KIAA0753: variants seen among roughly 807,000 people sequenced by gnomAD.
KIAA0753 encodes the protein protein moonraker.
A neutral mutation model predicts 116.9 loss-of-function variants in KIAA0753; 114 were observed. That is an observed-to-expected ratio of 0.98 (90% confidence interval 0.84 to 1.14). The LOEUF is 1.14. Ranked by LOEUF, KIAA0753 falls within the 50% of genes most tolerant of loss-of-function variation. The pLI is 0.00. For synonymous variants in KIAA0753, 405 were observed against 413.1 expected (o/e 0.98, Z 0.24); for missense variants, 1,156 against 1,172.4 (o/e 0.99, Z 0.20).
chr17:6,583,282 G>A (rs1404981451), intron 18 of KIAA0753, among the ~76,000 whole-genome samples: 1 of 152,100 alleles, frequency 6.6e-6, no homozygotes, highest in African/African-American at 2.4e-5. Flanking sequence ...TCCTCCAGCC[G>A]ATTTTAAGAT....
At chr17:6,611,766 T>C (rs1256533094) in intron 8 of KIAA0753, among the ~76,000 whole-genome samples, 153 bp downstream of exon 8, 1 of 152,228 alleles carries the variant, frequency 6.6e-6, no homozygotes, top group African/African-American at 2.4e-5. Flanking sequence ...AATTGTTATT[T>C]TTTTGTTAAA....
At chr17:6,623,731 A>C in intron 4 of KIAA0753, 160 bp from the exon 5 acceptor site, 3 of 1,025,630 alleles carry the variant, frequency 2.9e-6, no homozygotes, top group Non-Finnish European at 4.0e-6. Flanking sequence ...CACCCAAAAA[A>C]CAGTTACTGG....
intron 8 of KIAA0753, 89 bp from the exon 9 acceptor site, chr17:6,610,249 C>CTAA: frequency 7.9e-7 from 1 of 1,265,106 alleles, no homozygotes. Flanking sequence ...CCAAGTTCTC[C>CTAA]ATGTTATTCA....
At chr17:6,601,600 A>T (rs1043668795) in intron 12 of KIAA0753, among the ~76,000 whole-genome samples, 2 of 152,238 alleles carry the variant, frequency 1.3e-5, no homozygotes, top group African/African-American at 4.8e-5. Flanking sequence ...ATAGCCAGAT[A>T]TCCATTAAAG....
intron 7 of KIAA0753, among the ~76,000 whole-genome samples, chr17:6,620,017 G>A (rs1057046178): frequency 9.9e-5 from 15 of 152,112 alleles, no homozygotes; most frequent in Non-Finnish European, 1.8e-4. Flanking sequence ...GTGTACCTCA[G>A]ACCAACAAAA....
At chr17:6,607,403 G>C in intron 10 of KIAA0753, 133 bp from the exon 11 acceptor site, 1 of 673,144 alleles carries the variant, frequency 1.5e-6, no homozygotes, top group Non-Finnish European at 2.6e-6. Flanking sequence ...CTACTCAGTA[G>C]GTAACATAAT....
At chr17:6,617,398 G>C (rs1340060664) in intron 7 of KIAA0753, among the ~76,000 whole-genome samples, 1 of 152,206 alleles carries the variant, frequency 6.6e-6, no homozygotes, top group Non-Finnish European at 1.5e-5. Context: ...TCCCATTAAA[G>C]TGAATAAATA....
chr17:6,587,548 CAGGTTACA>C (rs1247074911), intron 18 of KIAA0753, among the ~76,000 whole-genome samples: 3 of 152,184 alleles, frequency 2.0e-5, no homozygotes, highest in Admixed American at 2.0e-4. Flanking sequence ...GCAAGCCAGA[CAGGTTACA>C]AGAAAATGAG....
chr17:6,579,580 GA>G lies in KIAA0753; in HGVS notation c.*166del. ...TTCCAGAACCATTGCCATGACAAAAGAAAATGCAAAGTGAGGATGACCTCCC... is the reference window on the plus strand; with the variant it reads ...TTCCAGAACCATTGCCATGACAAAAGAAATGCAAAGTGAGGATGACCTCCC... On this transcript the variant is annotated 3_prime_UTR_variant, in exon 19 of 19. Coordinates refer to ENST00000361413, the MANE Select transcript of KIAA0753 (RefSeq NM_014804.3). 1 of 631,088 alleles carries G rather than the reference GA, an allele frequency of 1.6e-6. No individual in the cohort carries two copies. The highest frequency in any genetic ancestry group is 2.9e-6 in the Non-Finnish European group (1 of 350,256). 39.1% of individuals were successfully genotyped at this position (631,088 alleles called of 1,614,324 possible).
At chr17:6,607,607 T>C (rs939038844) in intron 10 of KIAA0753, among the ~76,000 whole-genome samples, 10 of 152,334 alleles carry the variant, frequency 6.6e-5, no homozygotes, top group East Asian at 1.9e-4. Flanking sequence ...AGGAGCCATA[T>C]AGGCATGGTG....
intron 18 of KIAA0753, among the ~76,000 whole-genome samples, chr17:6,586,291 G>C (rs765408358): frequency 6.6e-6 from 1 of 152,024 alleles, no homozygotes; most frequent in Non-Finnish European, 1.5e-5. Context: ...ACCTCTTTTC[G>C]TTATAAATTA....
At chr17:6,609,840 TTCTCA>T (rs1281958807) in intron 9 of KIAA0753, among the ~76,000 whole-genome samples, 149 bp downstream of exon 9, 1 of 152,132 alleles carries the variant, frequency 6.6e-6, no homozygotes, top group Non-Finnish European at 1.5e-5. Flanking sequence ...AGACAAAGAC[TTCTCA>T]TGTATGACTC....
chr17:6,580,055 G>A (rs1169203610), intron 18 of KIAA0753, among the ~76,000 whole-genome samples, 191 bp from the exon 19 acceptor site: 1 of 151,964 alleles, frequency 6.6e-6, no homozygotes, highest in African/African-American at 2.4e-5. Flanking sequence ...GTGGTGGCAT[G>A]CACACCTATA....
intron 12 of KIAA0753, 84 bp from the exon 13 acceptor site, chr17:6,600,542 G>A: frequency 9.5e-7 from 1 of 1,054,480 alleles, no homozygotes; most frequent in Non-Finnish European, 1.4e-6. Flanking sequence ...CCAGGAGAAG[G>A]GAAATAAAAT....
rs771712710 is a variant in KIAA0753, at chr17:6,596,162, A to G, written c.2354T>C (p.Met785Thr). 2 of 1,613,170 alleles carry G rather than the reference A, an allele frequency of 1.2e-6. No homozygotes were observed. The highest frequency in any genetic ancestry group is 2.2e-5 in the East Asian group (1 of 44,860). Residue 785 changes from methionine (M) to threonine (T), a missense_variant, in exon 15 of 19, where the codon ATG (methionine) becomes ACG (threonine). Transcript: ENST00000361413. ...ACCCGGAGCCCCAGACCTTACTTCCATCTCTTCCATTCGGCGCATCATGAT... is the reference window on the plus strand; with the variant it reads ...ACCCGGAGCCCCAGACCTTACTTCCGTCTCTTCCATTCGGCGCATCATGAT... Reference protein sequence around the residue: ...LEIMMRRMEEMEKYQESVRQR... With the variant: ...LEIMMRRMEETEKYQESVRQR...
chr17:6,595,118 G>A (rs1015128669), intron 15 of KIAA0753, 65 bp from the exon 16 acceptor site: 1 of 1,151,104 alleles, frequency 8.7e-7, no homozygotes, highest in East Asian at 2.4e-5. Context: ...AACCAGAACT[G>A]GTAAAGATGT....
At chr17:6,613,565 T>C (rs1249994800) in intron 7 of KIAA0753, among the ~76,000 whole-genome samples, 3 of 152,126 alleles carry the variant, frequency 2.0e-5, no homozygotes, top group Non-Finnish European at 2.9e-5. Flanking sequence ...GTGGGAGTGA[T>C]GCAAACACAG....
chr17:6,628,224 A>C lies in KIAA0753; in HGVS notation c.611T>G (p.Ile204Arg). 1 of 1,614,164 alleles carries C rather than the reference A, an allele frequency of 6.2e-7. No homozygotes were observed. The highest frequency in any genetic ancestry group is 8.5e-7 in the Non-Finnish European group (1 of 1,180,034). Reference sequence around the variant, plus strand: ...TTCACTTATGTTTTTGTGGTCACCTATCCTGGGATGAGGCTGAAGTCCCGG... The same window carrying C: ...TTCACTTATGTTTTTGTGGTCACCTCTCCTGGGATGAGGCTGAAGTCCCGG... Reference protein sequence around the residue: ...HDPGLQPHPRIGDHKNISEQK... With the variant: ...HDPGLQPHPRRGDHKNISEQK... Residue 204 changes from isoleucine (I) to arginine (R), a missense_variant, in exon 3 of 19, where the codon ATA becomes AGA. Ile to Arg is a moderately conservative substitution (Grantham distance 97). Coordinates refer to ENST00000361413, the MANE Select transcript of KIAA0753 (RefSeq NM_014804.3).
intron 16 of KIAA0753, among the ~76,000 whole-genome samples, chr17:6,591,097 A>G (rs1384518670): frequency 1.4e-5 from 2 of 145,770 alleles, no homozygotes; most frequent in African/African-American, 2.6e-5. Context: ...AAGAAGAAGA[A>G]GAAGAAGAAG....
Sources: gnomAD v4.1 joint callset for allele counts (sites outside exome capture counted in the v4.1 genomes callset) on GRCh38, gnomAD v4.1.1 for gene constraint, MANE v1.5 for transcripts, NCBI Gene and HGNC (gene_info 2026-07-23, HGNC 2026-07-21) for gene names.